The following HIVEP3 variants were observed in gnomAD, a reference collection of about 807,000 sequenced individuals.
The protein encoded by HIVEP3 is transcription factor HIVEP3.
A neutral mutation model predicts 152.8 loss-of-function variants in HIVEP3; 49 were observed. That is an observed-to-expected ratio of 0.32 (90% CI 0.26 to 0.41). The LOEUF (loss-of-function observed/expected upper bound fraction) is 0.41, where lower values mean the gene tolerates loss of function less well. Among genes scored for constraint, HIVEP3 ranks in the 10% least tolerant of loss-of-function variants. The pLI is 1.00. For synonymous variants in HIVEP3, 1,269 were observed against 1,289.0 expected, an observed-to-expected ratio of 0.98 and a Z score of 0.33; for missense variants, 2,790 against 3,103.3, an observed-to-expected ratio of 0.90 and a Z score of 2.40.
At position 41,584,401 on chromosome 1, in the gene HIVEP3, A is replaced by G. The variant is rs1644471286; in HGVS notation, c.397T>C (p.Phe133Leu). 1.2e-6 allele frequency: 2 copies of G among 1,613,900 alleles called. No individual in the cohort carries two copies. The stretch of plus-strand genomic sequence containing the variant: ...TGAGGATGGAGCCCAGGGGCCACGA[A>G]GGAGCCAGAGGGTCCAGGTCTCATG... ...DPMRPGPSGS[F>L]VAPGLHPQSQ... The change falls in exon 4 of 9, where the codon TTC becomes CTC. Residue 133 changes from phenylalanine (F) to leucine (L), a missense_variant. Phe to Leu is a conservative substitution (Grantham distance 22, BLOSUM62 0). Transcript: ENST00000372583. This position sits in a 1 kb window ranked among gnomAD's most constrained non-coding sequence, Gnocchi z 5.2.
rs139939420 is a variant in HIVEP3, at chr1:41,716,800, G to A, written c.-800-15805C>T. On this transcript the variant is annotated intron_variant, in intron 1 of 8. Transcript: ENST00000372583. ...AGCCGTGGGGAGCTCAGAGGGGCTGGGGCAGGAGAGGGAGATGTGAACGAA... is the reference window on the plus strand; with the variant it reads ...AGCCGTGGGGAGCTCAGAGGGGCTGAGGCAGGAGAGGGAGATGTGAACGAA... Among the ~76,000 whole-genome samples the A allele has an allele frequency of 1.6e-4, 25 of 152,280 alleles. No homozygotes were observed. The East Asian group carries it at 4.8e-3, about 29-fold the overall frequency.
intron 3 of HIVEP3, among the ~76,000 whole-genome samples, chr1:41,605,402 CACACAT>C (rs1276773362): frequency 0.011 from 1,678 of 151,780 alleles, 32 homozygotes; most frequent in African/African-American, 0.038. Context: ...CACACACACA[CACACAT>C]ACATATGTTA....
chr1:41,592,129 C>T (rs1370880282), intron 3 of HIVEP3, among the ~76,000 whole-genome samples: 1 of 152,172 alleles, frequency 6.6e-6, no homozygotes, highest in Non-Finnish European at 1.5e-5. Flanking sequence ...CGGCTGCCTC[C>T]CTGGCTTGCT....
chr1:41,803,230 G>C (rs1356409488), intron 1 of HIVEP3, among the ~76,000 whole-genome samples: 1 of 152,236 alleles, frequency 6.6e-6, no homozygotes, highest in Non-Finnish European at 1.5e-5. Flanking sequence ...GGGCAGCTCA[G>C]CTTTCTCACA....
chr1:41,719,967 G>A (rs1238206254), intron 1 of HIVEP3, among the ~76,000 whole-genome samples: 1 of 152,206 alleles, frequency 6.6e-6, no homozygotes, highest in Non-Finnish European at 1.5e-5. Context: ...CACAGGCCAA[G>A]AACAGAAGCT....
chr1:41,721,655 G>C (rs1415939781), intron 1 of HIVEP3, among the ~76,000 whole-genome samples: 1 of 152,186 alleles, frequency 6.6e-6, no homozygotes, highest in Non-Finnish European at 1.5e-5. Context: ...TAACTCACTT[G>C]ACACTTGCAA....
intron 1 of HIVEP3, among the ~76,000 whole-genome samples, chr1:41,790,203 G>C (rs1333769832): frequency 1.3e-5 from 2 of 152,164 alleles, no homozygotes; most frequent in African/African-American, 4.8e-5. Flanking sequence ...TCATGGGGTG[G>C]ATCCCTCATG....
chr1:41,869,529 C>G (rs926209046), intron 1 of HIVEP3: 1 of 152,218 alleles, frequency 6.6e-6, no homozygotes, highest in Non-Finnish European at 1.5e-5. Context: ...ACGTGAGACA[C>G]CAAAGTACGA....
intron 1 of HIVEP3, among the ~76,000 whole-genome samples, chr1:41,833,989 T>TA (rs1313701592): frequency 1.3e-5 from 2 of 152,156 alleles, no homozygotes; most frequent in Non-Finnish European, 2.9e-5. Flanking sequence ...ACCTCCCTCC[T>TA]GCTCCCTGAG....
chr1:41,850,753 A>G (rs772146563), intron 1 of HIVEP3, among the ~76,000 whole-genome samples: 2 of 152,214 alleles, frequency 1.3e-5, no homozygotes, highest in Non-Finnish European at 2.9e-5. Flanking sequence ...TGGTTTTCTC[A>G]GAAATCCCAT....
intron 1 of HIVEP3, among the ~76,000 whole-genome samples, chr1:41,794,975 T>G (rs1279875164): frequency 1.3e-5 from 2 of 152,208 alleles, no homozygotes; most frequent in Non-Finnish European, 2.9e-5. Flanking sequence ...TTGCCCAGGC[T>G]GGAATGTAGT....
intron 1 of HIVEP3, among the ~76,000 whole-genome samples, chr1:41,864,997 A>G (rs1216154234): frequency 1.2e-4 from 18 of 152,196 alleles, no homozygotes; most frequent in Admixed American, 1.2e-3. Flanking sequence ...CCAGTTTTTG[A>G]GGCTGGGACA....
At chr1:41,756,251 AG>A (rs1237401852) in intron 1 of HIVEP3, among the ~76,000 whole-genome samples, 1 of 152,240 alleles carries the variant, frequency 6.6e-6, no homozygotes, top group Non-Finnish European at 1.5e-5. Flanking sequence ...AGGACAAACC[AG>A]TGGTTGCCAA....
chr1:41,781,920 T>C (rs1425035355), intron 1 of HIVEP3, among the ~76,000 whole-genome samples: 7 of 152,220 alleles, frequency 4.6e-5, no homozygotes, highest in Non-Finnish European at 1.0e-4. Flanking sequence ...GTGATCTCTA[T>C]GCATTATAAG....
intron 1 of HIVEP3, among the ~76,000 whole-genome samples, chr1:41,957,257 T>C (rs1452052787): frequency 1.3e-5 from 2 of 152,170 alleles, no homozygotes; most frequent in African/African-American, 4.8e-5. Flanking sequence ...CAAATAAAAC[T>C]TCATTTTATC....
chr1:41,545,352 ATCG>A (rs1430008404), intron 5 of HIVEP3, among the ~76,000 whole-genome samples: 418 of 81,460 alleles, frequency 5.1e-3, no homozygotes, highest in African/African-American at 0.02. Flanking sequence ...CACCACCATC[ATCG>A]CCACCATCAC....
chr1:41,572,828 C>T (rs754703605), intron 5 of HIVEP3, among the ~76,000 whole-genome samples: 12 of 152,214 alleles, frequency 7.9e-5, no homozygotes, highest in East Asian at 1.9e-4. Context: ...CATGGATGCA[C>T]GTCAAAAACA....
chr1:41,981,517 G>A (rs554330418), intron 1 of HIVEP3, among the ~76,000 whole-genome samples: 9 of 152,226 alleles, frequency 5.9e-5, no homozygotes, highest in South Asian at 4.1e-4. Context: ...GGCCTGCCAC[G>A]TCTTCCTGCT....
intron 2 of HIVEP3, among the ~76,000 whole-genome samples, chr1:41,687,167 G>T (rs988371762): frequency 3.9e-5 from 6 of 152,194 alleles, no homozygotes; most frequent in African/African-American, 1.4e-4. Flanking sequence ...TAAGTGCAAA[G>T]GCCCTGAGGC....
Sources: gnomAD v4.1 joint callset for allele counts (sites outside exome capture counted in the v4.1 genomes callset) on GRCh38, gnomAD v4.1.1 for gene constraint, Gnocchi (gnomAD v3.1) non-coding constraint, MANE v1.5 for transcripts, NCBI Gene and HGNC (gene_info 2026-07-23, HGNC 2026-07-21) for gene names.